The following CSGALNACT1 variants were observed in gnomAD, a reference collection of about 807,000 sequenced individuals.
CSGALNACT1 encodes beta4GalNAcT-1.
CSGALNACT1 carries 52 observed loss-of-function variants against 51.0 expected under a neutral mutation model. That is an observed-to-expected ratio of 1.02 (90% CI 0.82 to 1.29). The LOEUF is 1.29. Ranked by LOEUF, CSGALNACT1 falls within the 50% of genes most tolerant of loss-of-function variation. The pLI is 0.00. For missense variants in CSGALNACT1, 935 were observed against 679.2 expected (o/e 1.38, Z -4.19); for synonymous variants, 341 against 254.4 (o/e 1.34, Z -3.24).
intron 1 of CSGALNACT1, among the ~76,000 whole-genome samples, chr8:19,669,508 G>C (rs1339371297): frequency 2.0e-5 from 3 of 152,194 alleles, no homozygotes; most frequent in Non-Finnish European, 4.4e-5. Flanking sequence ...CTGGAGTGCA[G>C]TGGCACGACC....
At chr8:19,706,509 T>G (rs2062175200) in intron 1 of CSGALNACT1, among the ~76,000 whole-genome samples, 1 of 152,006 alleles carries the variant, frequency 6.6e-6, no homozygotes, top group Non-Finnish European at 1.5e-5. Flanking sequence ...TTTAAAGGAG[T>G]GCCTTTTCCT....
At chr8:19,556,214 A>T (rs1247712618) in intron 3 of CSGALNACT1, among the ~76,000 whole-genome samples, 1 of 151,810 alleles carries the variant, frequency 6.6e-6, no homozygotes, top group African/African-American at 2.4e-5. Flanking sequence ...GTCTCTACTA[A>T]AAATACAAAA....
intron 3 of CSGALNACT1, among the ~76,000 whole-genome samples, chr8:19,530,390 T>C (rs1232764369): frequency 6.6e-6 from 1 of 152,150 alleles, no homozygotes; most frequent in African/African-American, 2.4e-5. Flanking sequence ...TATGTAAGTG[T>C]ATATATAATT....
At chr8:19,452,888 T>A (rs1019302245) in intron 5 of CSGALNACT1, among the ~76,000 whole-genome samples, 1 of 152,192 alleles carries the variant, frequency 6.6e-6, no homozygotes, top group South Asian at 2.1e-4. Flanking sequence ...CCCTGGGGGT[T>A]CTTCCTCTCC....
Position 19,641,087 on chromosome 8 carries a change from G to A in CSGALNACT1, c.-543-39222C>T, listed in dbSNP as rs187586705. 8.6e-4 allele frequency among the ~76,000 whole-genome samples: 129 copies of A among 150,586 alleles called. 5 individuals carry two copies. In the East Asian group the frequency reaches 0.024, roughly 28 times the overall value. Reference sequence around the variant, plus strand: ...TCCATGGAGTTCTCAAGTCTCCCAGGGATGCGGAATCTACCTGTATTACCA... The same window carrying A: ...TCCATGGAGTTCTCAAGTCTCCCAGAGATGCGGAATCTACCTGTATTACCA... On this transcript the variant is annotated intron_variant, in intron 1 of 9. Transcript: ENST00000332246.
chr8:19,544,654 A>T (rs2086055400), intron 3 of CSGALNACT1, among the ~76,000 whole-genome samples: 1 of 152,178 alleles, frequency 6.6e-6, no homozygotes, highest in Admixed American at 6.6e-5. Flanking sequence ...ATAATTCTTA[A>T]AGTAATGTGG....
At chr8:19,507,787 CT>C (rs2077653677) in intron 3 of CSGALNACT1, among the ~76,000 whole-genome samples, 1 of 152,190 alleles carries the variant, frequency 6.6e-6, no homozygotes, top group Admixed American at 6.5e-5. Context: ...ATCACCACCC[CT>C]GGCTAATGTT....
At chr8:19,655,900 T>A (rs1377111892) in intron 1 of CSGALNACT1, among the ~76,000 whole-genome samples, 3 of 152,188 alleles carry the variant, frequency 2.0e-5, no homozygotes, top group African/African-American at 4.8e-5. Context: ...AAATTTGTGA[T>A]CAATGTGCCA....
chr8:19,617,996 C>A (rs2053265171), intron 1 of CSGALNACT1, among the ~76,000 whole-genome samples: 1 of 152,084 alleles, frequency 6.6e-6, no homozygotes, highest in African/African-American at 2.4e-5. Context: ...CCTCCCACCT[C>A]AGCCCCCAAG....
chr8:19,537,795 T>C (rs780872935), intron 3 of CSGALNACT1, among the ~76,000 whole-genome samples: 11 of 152,152 alleles, frequency 7.2e-5, no homozygotes, highest in Admixed American at 2.0e-4. Context: ...TTAAAACTTT[T>C]AGGAAAAAAC....
chr8:19,406,111 C>T (rs757719857), intron 9 of CSGALNACT1, 42 bp from the exon 9 acceptor site: 1 of 1,612,244 alleles, frequency 6.2e-7, no homozygotes, highest in East Asian at 2.2e-5. Context: ...CTGCACTGAT[C>T]TGTTTTGCTT....
rs192048286 is a variant in CSGALNACT1 at position 19,708,671 on chromosome 8, G to A, written c.-297+49179C>T. 1.1e-4 allele frequency among the ~76,000 whole-genome samples: 16 copies of A among 152,340 alleles called. No homozygotes were observed. The East Asian group carries it at 3.1e-3, about 29-fold the overall frequency. The stretch of plus-strand genomic sequence containing the variant: ...CAGGTTCCAAATGTGCAAGGCAGGA[G>A]ATGGGGAAGACTTCCTCCTCATTAC... On this transcript the variant is annotated intron_variant, in intron 1 of 1. Coordinates refer to the CSGALNACT1 transcript ENST00000517494.
chr8:19,564,722 C>G (rs867319237), intron 3 of CSGALNACT1, among the ~76,000 whole-genome samples: 1 of 152,200 alleles, frequency 6.6e-6, no homozygotes, highest in Middle Eastern at 3.2e-3. Flanking sequence ...GAAAGACGCC[C>G]TTGCTCACTC....
intron 7 of CSGALNACT1, among the ~76,000 whole-genome samples, chr8:19,419,505 G>T (rs1049303211): frequency 6.6e-6 from 1 of 152,212 alleles, no homozygotes; most frequent in Non-Finnish European, 1.5e-5. Context: ...TTTAGCAACT[G>T]GCATGGCTGT....
intron 5 of CSGALNACT1, among the ~76,000 whole-genome samples, chr8:19,454,617 G>C (rs2063752556): frequency 6.6e-6 from 1 of 152,188 alleles, no homozygotes; most frequent in Admixed American, 6.5e-5. Flanking sequence ...GCTGTGGTGA[G>C]CTAAGGTTCT....
At chr8:19,752,595 C>T (rs953775442) in intron 1 of CSGALNACT1, among the ~76,000 whole-genome samples, 3 of 152,060 alleles carry the variant, frequency 2.0e-5, no homozygotes. Flanking sequence ...CACCAGTAAC[C>T]AGTTCCTAGT....
chr8:19,501,350 C>T (rs1253901254), intron 4 of CSGALNACT1, among the ~76,000 whole-genome samples: 2 of 152,110 alleles, frequency 1.3e-5, no homozygotes, highest in African/African-American at 2.4e-5. Context: ...CAGAGGAGCC[C>T]TCATGGCCTA....
chr8:19,532,156 T>G (rs1477297898), intron 3 of CSGALNACT1: 1 of 145,948 alleles, frequency 6.9e-6, no homozygotes, highest in Non-Finnish European at 1.5e-5. Context: ...CTCAACAAGT[T>G]TAGCTTTTGG....
chr8:19,654,795 C>A (rs2058114395), intron 1 of CSGALNACT1, among the ~76,000 whole-genome samples: 1 of 152,220 alleles, frequency 6.6e-6, no homozygotes, highest in Non-Finnish European at 1.5e-5. Context: ...TCCTCCCGGC[C>A]TTGGTCTCTC....
Sources: allele counts gnomAD v4.1 joint callset (sites outside exome capture counted in the v4.1 genomes callset), GRCh38; gene constraint gnomAD v4.1.1; transcripts MANE v1.5; gene names NCBI Gene and HGNC (gene_info 2026-07-23, HGNC 2026-07-21).